Variants in KDM4C observed in about 807,000 individuals in gnomAD.
KDM4C encodes lysine demethylase 4C, also known as lysine-specific demethylase 4C.
In KDM4C, 81 loss-of-function variants were observed where a neutral mutation model predicts 129.3. That is an observed-to-expected ratio of 0.63 (90% CI 0.52 to 0.75). KDM4C has a LOEUF of 0.75. KDM4C is among the 30% of genes least tolerant of loss of function. KDM4C has a pLI of 0.00. For synonymous variants in KDM4C, 573 were observed against 456.1 expected (o/e 1.26, Z -3.26); for missense variants, 1,457 against 1,304.0 (o/e 1.12, Z -1.81).
intron 18 of KDM4C, among the ~76,000 whole-genome samples, chr9:7,125,366 C>T (rs112919448): frequency 0.015 from 2,264 of 152,282 alleles, 61 homozygotes; most frequent in African/African-American, 0.051. Context: ...TCTTCTCTCA[C>T]GCCACCTGTG....
chr9:6,851,941 G>T (rs1199719166), intron 5 of KDM4C, among the ~76,000 whole-genome samples: 2 of 152,150 alleles, frequency 1.3e-5, no homozygotes, highest in Non-Finnish European at 2.9e-5. Context: ...TAGTTATTAA[G>T]TATACAGCCT....
chr9:6,871,214 A>G (rs1463305339), intron 5 of KDM4C, among the ~76,000 whole-genome samples: 1 of 152,220 alleles, frequency 6.6e-6, no homozygotes, highest in Non-Finnish European at 1.5e-5. Flanking sequence ...GTTCCTAGAG[A>G]AAACTTGAAC....
chr9:6,734,832 A>C (rs533518141), intron 1 of KDM4C: 6 of 483,118 alleles, frequency 1.2e-5, no homozygotes, highest in Non-Finnish European at 2.5e-5. Context: ...TACAGGATCA[A>C]CTACTGAATG....
At chr9:7,067,229 C>T (rs1004412375) in intron 17 of KDM4C, among the ~76,000 whole-genome samples, 1 of 152,188 alleles carries the variant, frequency 6.6e-6, no homozygotes, top group East Asian at 1.9e-4. Context: ...CTGTGTATGA[C>T]AGTAGTATCA....
chr9:7,009,066 G>T (rs1459150957), intron 12 of KDM4C, among the ~76,000 whole-genome samples: 1 of 152,188 alleles, frequency 6.6e-6, no homozygotes, highest in Non-Finnish European at 1.5e-5. Flanking sequence ...TTTACAAACT[G>T]CCTAAAAGTA....
At chr9:6,854,546 CA>C (rs796548476) in intron 5 of KDM4C, among the ~76,000 whole-genome samples, 9 of 108,670 alleles carry the variant, frequency 8.3e-5, no homozygotes, top group East Asian at 2.7e-4. Context: ...AAAAAAAAAA[CA>C]AAAAAAAAAC....
At chr9:6,910,880 T>TA (rs1443691044) in intron 8 of KDM4C, among the ~76,000 whole-genome samples, 1 of 152,194 alleles carries the variant, frequency 6.6e-6, no homozygotes, top group African/African-American at 2.4e-5. Flanking sequence ...TAATTAGCAT[T>TA]AAAAATGATG....
intron 15 of KDM4C, among the ~76,000 whole-genome samples, chr9:7,019,324 C>T (rs1228825100): frequency 2.6e-5 from 4 of 152,120 alleles, no homozygotes; most frequent in Admixed American, 6.5e-5. Flanking sequence ...TCCAGAGGAG[C>T]CCTAGCCTCC....
At chr9:6,800,592 G>C (rs572781650) in intron 2 of KDM4C, among the ~76,000 whole-genome samples, 19 of 151,418 alleles carry the variant, frequency 1.3e-4, no homozygotes, top group Admixed American at 1.3e-4. Flanking sequence ...TACTATGAAT[G>C]TATATCTATC....
intron 15 of KDM4C, among the ~76,000 whole-genome samples, chr9:7,030,899 A>G (rs1826613069): frequency 6.6e-6 from 1 of 152,166 alleles, no homozygotes; most frequent in East Asian, 1.9e-4. Flanking sequence ...TGGAATTCTC[A>G]TTCCATATAA....
intron 1 of KDM4C, among the ~76,000 whole-genome samples, chr9:6,790,682 A>AAAAAAAAAG (rs71315564): frequency 3.5e-5 from 4 of 113,170 alleles, no homozygotes; most frequent in Non-Finnish European, 7.3e-5. Flanking sequence ...AAAAAAAAAA[A>AAAAAAAAAG]GAGGAAAACT....
intron 15 of KDM4C, among the ~76,000 whole-genome samples, chr9:7,039,362 T>C (rs535292742): frequency 6.6e-6 from 1 of 152,176 alleles, no homozygotes; most frequent in South Asian, 2.1e-4. Context: ...CAACATATTA[T>C]TTATAAGTCT....
intron 8 of KDM4C, among the ~76,000 whole-genome samples, chr9:6,931,433 C>G (rs899161007): frequency 6.6e-6 from 1 of 151,972 alleles, no homozygotes; most frequent in Non-Finnish European, 1.5e-5. Flanking sequence ...CAACTAAACA[C>G]GCATGCATGA....
At chr9:7,067,681 T>C (rs1423017410) in intron 17 of KDM4C, among the ~76,000 whole-genome samples, 7 of 152,254 alleles carry the variant, frequency 4.6e-5, no homozygotes, top group African/African-American at 7.2e-5. Flanking sequence ...AAAAGTAACA[T>C]GCTTATCTTC....
chr9:6,974,381 A>G (rs932327670), intron 8 of KDM4C, among the ~76,000 whole-genome samples: 1 of 152,168 alleles, frequency 6.6e-6, no homozygotes, highest in Non-Finnish European at 1.5e-5. Flanking sequence ...TTCTTTTGAG[A>G]CGGAGTCTTA....
intron 18 of KDM4C, among the ~76,000 whole-genome samples, chr9:7,106,136 G>T (rs1397070476): frequency 1.3e-5 from 2 of 152,278 alleles, no homozygotes; most frequent in East Asian, 3.9e-4. Context: ...TCCAAGTACG[G>T]ATTCCTCCCC....
chr9:6,895,395 C>A (rs1257606925), intron 8 of KDM4C, among the ~76,000 whole-genome samples: 1 of 152,282 alleles, frequency 6.6e-6, no homozygotes, highest in Middle Eastern at 3.4e-3. Flanking sequence ...GACTGTGAAC[C>A]AGAGGCTGGA....
At chr9:6,900,258 G>A (rs1589005018) in intron 8 of KDM4C, among the ~76,000 whole-genome samples, 3 of 152,134 alleles carry the variant, frequency 2.0e-5, no homozygotes, top group South Asian at 4.1e-4. Context: ...AGTGAGGCCC[G>A]GCTTAGATGT....
chr9:7,037,222 G>A (rs78113013), intron 15 of KDM4C, among the ~76,000 whole-genome samples: 7,435 of 152,254 alleles, frequency 0.049, 252 homozygotes, highest in East Asian at 0.1. Flanking sequence ...AAATGAGGGT[G>A]TGTTTGTGGG....
Sources: gnomAD v4.1 joint callset for allele counts (sites outside exome capture counted in the v4.1 genomes callset) on GRCh38, gnomAD v4.1.1 for gene constraint, MANE v1.5 for transcripts, NCBI Gene and HGNC (gene_info 2026-07-23, HGNC 2026-07-21) for gene names.